DNAH14: variants seen among roughly 807,000 people sequenced by gnomAD.
DNAH14 encodes the protein axonemal beta dynein heavy chain 14.
Under a neutral mutation model 520.9 loss-of-function variants are expected in DNAH14, and 478 were observed. That is an observed-to-expected ratio of 0.92 (90% CI 0.85 to 0.99). The LOEUF is 0.99. Ranked by LOEUF, DNAH14 falls within the 50% of genes least tolerant of loss-of-function variation. The pLI is 0.00. For synonymous variants in DNAH14, 1,581 were observed against 1,757.2 expected, an observed-to-expected ratio of 0.90 and a Z score of 2.51; for missense variants, 4,831 against 5,234.5, an observed-to-expected ratio of 0.92 and a Z score of 2.38.
chr1:224,933,562 G>C (rs1353451790), intron 1 of DNAH14, among the ~76,000 whole-genome samples: 2 of 152,022 alleles, frequency 1.3e-5, no homozygotes, highest in Admixed American at 6.6e-5. Context: ...TTAGCTGTGG[G>C]TCTATCCTAT....
At chr1:225,321,235 T>G (rs2094550747) in intron 61 of DNAH14, among the ~76,000 whole-genome samples, 1 of 152,148 alleles carries the variant, frequency 6.6e-6, no homozygotes, top group Non-Finnish European at 1.5e-5. Flanking sequence ...AACACATAGG[T>G]TAGAATTTCT....
At chr1:225,231,699 G>A (rs2091129181) in intron 42 of DNAH14, among the ~76,000 whole-genome samples, 1 of 152,002 alleles carries the variant, frequency 6.6e-6, no homozygotes, top group Non-Finnish European at 1.5e-5. Flanking sequence ...ATTCACTTGT[G>A]GTTTCTACTC....
rs1159330683 is a variant in DNAH14, at chr1:225,144,582, G to A, written c.4694G>A (p.Gly1565Asp). The change falls in exon 29 of 86, where the codon GGT becomes GAT. Residue 1565 changes from glycine (G) to aspartate (D), a missense_variant. Coordinates refer to ENST00000682510, the MANE Select transcript of DNAH14 (RefSeq NM_001367479.1). ...LHLNLGGCPA[G>D]PAGTGKTETV... ...TTGAATCTAGGAGGCTGTCCTGCCG[G>A]TCCAGCTGGTACAGGAAAAACTGAG... is the stretch of plus-strand genomic sequence containing the variant. 1 of 1,551,448 alleles carries A rather than the reference G, an allele frequency of 6.4e-7. No individual in the cohort carries two copies. Among genetic ancestry groups the A allele is most frequent in the South Asian group, 1.2e-5 (1 of 84,042 alleles).
At position 225,007,486 on chromosome 1, in the gene DNAH14, A is replaced by G; in HGVS notation, c.1049A>G (p.Lys350Arg). The G allele has an allele frequency of 6.5e-7, 1 of 1,541,526 alleles. No individual in the cohort carries two copies. The highest frequency in any genetic ancestry group is 8.8e-7 in the Non-Finnish European group (1 of 1,141,222). ...TTACAGCAAGCTACCCAGGCATTGA[A>G]ACAACTTGAGGACATCAGGAATAAA... ...EQLQQATQAL[K>R]QLEDIRNKAI... is the part of the protein sequence containing the mutation. The change falls in exon 10 of 86, where the codon AAA becomes AGA. Residue 350 changes from lysine (K) to arginine (R), a missense_variant. By Grantham distance (26) the Lys-to-Arg change is conservative. Coordinates refer to ENST00000682510, the MANE Select transcript of DNAH14 (RefSeq NM_001367479.1).
intron 52 of DNAH14, among the ~76,000 whole-genome samples, chr1:225,274,194 GTTATTTTTTTTTT>G (rs2093396711): frequency 8.3e-6 from 1 of 120,352 alleles, no homozygotes; most frequent in South Asian, 2.7e-4. Context: ...ACCAGCATCT[GTTATTTTTTTTTT>G]TTTTTTTTTT....
intron 82 of DNAH14, among the ~76,000 whole-genome samples, chr1:225,389,232 A>G (rs1052463603): frequency 3.3e-5 from 5 of 152,220 alleles, no homozygotes; most frequent in African/African-American, 1.2e-4. Context: ...TGCTATCATT[A>G]TCATCATCCC....
chr1:225,366,176 G>C (rs1305470362), intron 76 of DNAH14, among the ~76,000 whole-genome samples: 1 of 152,178 alleles, frequency 6.6e-6, no homozygotes, highest in African/African-American at 2.4e-5. Context: ...TATAGTTAGT[G>C]CTATTAAGGA....
At chr1:225,311,296 G>T (rs541521494) in intron 60 of DNAH14, among the ~76,000 whole-genome samples, 1 of 152,098 alleles carries the variant, frequency 6.6e-6, no homozygotes, top group African/African-American at 2.4e-5. Flanking sequence ...TGATGAGGTC[G>T]TTTGTTTTTT....
intron 44 of DNAH14, among the ~76,000 whole-genome samples, chr1:225,254,814 C>A (rs12566434): frequency 0.059 from 9,055 of 152,228 alleles, 490 homozygotes; most frequent in East Asian, 0.24. Flanking sequence ...ATGCTGTCTA[C>A]TAGGTAGCAG....
At chr1:225,059,784 G>A (rs1332574917) in intron 17 of DNAH14, among the ~76,000 whole-genome samples, 2 of 152,064 alleles carry the variant, frequency 1.3e-5, no homozygotes, top group African/African-American at 2.4e-5. Flanking sequence ...CTTCACTTAT[G>A]GAGCTTAGTT....
chr1:224,936,207 T>C (rs1232089241), intron 1 of DNAH14, among the ~76,000 whole-genome samples: 1 of 151,268 alleles, frequency 6.6e-6, no homozygotes, highest in Non-Finnish European at 1.5e-5. Flanking sequence ...AGAAAAGAAA[T>C]AATAAAGATC....
chr1:225,021,473 T>C (rs1428787931), intron 10 of DNAH14, among the ~76,000 whole-genome samples: 1 of 152,094 alleles, frequency 6.6e-6, no homozygotes, highest in Non-Finnish European at 1.5e-5. Flanking sequence ...TGTACAAAAA[T>C]CAGTAGCATT....
intron 12 of DNAH14, among the ~76,000 whole-genome samples, chr1:225,042,205 C>T (rs761278566): frequency 6.6e-6 from 1 of 152,126 alleles, no homozygotes; most frequent in Non-Finnish European, 1.5e-5. Context: ...CTGAGAAACA[C>T]AGAGGAGTCA....
intron 11 of DNAH14, among the ~76,000 whole-genome samples, chr1:225,032,084 T>A (rs915290702): frequency 4.6e-5 from 7 of 152,096 alleles, no homozygotes; most frequent in Non-Finnish European, 7.4e-5. Flanking sequence ...AATTTTTTTT[T>A]AATTTTTATT....
At chr1:225,037,949 AAGTGCTGGGATTAC>A (rs2067126505) in intron 11 of DNAH14, among the ~76,000 whole-genome samples, 1 of 152,084 alleles carries the variant, frequency 6.6e-6, no homozygotes, top group Non-Finnish European at 1.5e-5. Flanking sequence ...CGGCCTCCCA[AAGTGCTGGGATTAC>A]AGGCATGAGC....
chr1:225,114,083 C>T (rs2076684300), intron 23 of DNAH14, among the ~76,000 whole-genome samples: 4 of 152,228 alleles, frequency 2.6e-5, no homozygotes, highest in Admixed American at 2.6e-4. Context: ...CAGCTGGGAA[C>T]ATGTTGGGTC....
In DNAH14 at chr1:225,118,019, C is replaced by T. The variant is rs138839705; in HGVS notation, c.4091+20C>T. ...GCCAAAGTATGATAAATGTTACAAA[C>T]TGTTTAGATTCTGTACAACGTCATT... is the stretch of plus-strand genomic sequence containing the variant. On this transcript the variant is annotated intron_variant, in intron 25 of 85. Coordinates refer to ENST00000682510, the MANE Select transcript of DNAH14 (RefSeq NM_001367479.1). 1.9e-3 allele frequency: 2,825 copies of T among 1,475,904 alleles called. 23 individuals are homozygous for T. In the East Asian group the frequency reaches 0.023, roughly 12 times the overall value. 91.4% of individuals were successfully genotyped at this position (1,475,904 alleles called of 1,614,324 possible). A position where few individuals can be genotyped will look rare whatever the true frequency, so the allele number is the denominator to read the frequency against.
chr1:225,216,664 C>T (rs975537103), intron 41 of DNAH14, among the ~76,000 whole-genome samples: 2 of 152,126 alleles, frequency 1.3e-5, no homozygotes, highest in Non-Finnish European at 2.9e-5. Flanking sequence ...ATCAGTTATA[C>T]CCTTTCTTCC....
chr1:225,101,927 A>C (rs2075508505), intron 23 of DNAH14, among the ~76,000 whole-genome samples: 1 of 151,668 alleles, frequency 6.6e-6, no homozygotes, highest in Admixed American at 6.6e-5. Context: ...GTTTTAGGGT[A>C]CATGTGCACA....
Sources: gnomAD v4.1 joint callset for allele counts (sites outside exome capture counted in the v4.1 genomes callset) on GRCh38, gnomAD v4.1.1 for gene constraint, MANE v1.5 for transcripts, NCBI Gene and HGNC (gene_info 2026-07-23, HGNC 2026-07-21) for gene names.